KRABD3: variants seen among roughly 807,000 people sequenced by gnomAD.
KRABD3 encodes KRAB domain-containing protein 3.
At chr7:149,719,173 C>G in the KRABD3 span, among the ~76,000 whole-genome samples, 1 of 152,232 alleles carries the variant, frequency 6.6e-6, no homozygotes, top group African/African-American at 2.4e-5. This position sits in a 1 kb window ranked among gnomAD's most constrained non-coding sequence, Gnocchi z 5.6. Flanking sequence ...TGACTGTAGT[C>G]TCTGCCTGTC....
At chr7:149,730,254 C>T in the KRABD3 span, 4 of 1,557,758 alleles carry the variant, frequency 2.6e-6, no homozygotes, top group East Asian at 2.4e-5. Flanking sequence ...CAGCCCCAGC[C>T]CCAGCCCCGG....
chr7:149,720,263 C>T, the KRABD3 span: 1 of 992,016 alleles, frequency 1.0e-6, no homozygotes, highest in Non-Finnish European at 1.5e-6. Context: ...AGCTTTCACC[C>T]CTCATCCCTC....
chr7:149,726,547 C>T, the KRABD3 span, among the ~76,000 whole-genome samples: 5 of 151,794 alleles, frequency 3.3e-5, no homozygotes, highest in Admixed American at 3.3e-4. Context: ...AAGCGATTCT[C>T]CTGCCACAGT....
At chr7:149,725,428 C>G in the KRABD3 span, 1 of 1,612,240 alleles carries the variant, frequency 6.2e-7, no homozygotes, top group African/African-American at 1.3e-5. Context: ...CCAGAACCCC[C>G]AGCCAGGAGA....
chr7:149,728,732 G>A, the KRABD3 span: 1 of 1,558,830 alleles, frequency 6.4e-7, no homozygotes, highest in African/African-American at 1.4e-5. Flanking sequence ...GGATGCCCTA[G>A]GCGCTGCACC....
the KRABD3 span, chr7:149,733,948 G>A: frequency 6.3e-7 from 1 of 1,599,502 alleles, no homozygotes; most frequent in Non-Finnish European, 8.5e-7. Flanking sequence ...TCCCAGAGCG[G>A]CCCAAGGAGC....
the KRABD3 span, chr7:149,719,534 CTG>C: frequency 6.4e-7 from 1 of 1,560,000 alleles, no homozygotes; most frequent in African/African-American, 1.4e-5. This position sits in a 1 kb window ranked among gnomAD's most constrained non-coding sequence, Gnocchi z 5.6. Context: ...CCCCCGGAGA[CTG>C]TGCCTGCAGG....
the KRABD3 span, among the ~76,000 whole-genome samples, chr7:149,727,995 C>T: frequency 6.6e-6 from 1 of 152,276 alleles, no homozygotes; most frequent in Admixed American, 6.5e-5. Context: ...GAAGGGCTCT[C>T]CTCACTCTAG....
At chr7:149,719,092 C>G in the KRABD3 span, among the ~76,000 whole-genome samples, 1 of 152,226 alleles carries the variant, frequency 6.6e-6, no homozygotes, top group Non-Finnish European at 1.5e-5. This position sits in a 1 kb window ranked among gnomAD's most constrained non-coding sequence, Gnocchi z 5.6. Context: ...CCTCTGAAGG[C>G]TCTGGGCCAG....
the KRABD3 span, among the ~76,000 whole-genome samples, chr7:149,715,784 T>C: frequency 3.3e-5 from 5 of 152,012 alleles, no homozygotes; most frequent in Non-Finnish European, 4.4e-5. Context: ...CCCCAAGCAT[T>C]TGGGGAGAAG....
the KRABD3 span, chr7:149,715,495 AG>A: frequency 2.9e-6 from 1 of 339,112 alleles, no homozygotes; most frequent in Non-Finnish European, 4.2e-6. Flanking sequence ...TGAGAACTGG[AG>A]GGAGAGCCCC....
At chr7:149,725,962 C>G in the KRABD3 span, 2 of 1,605,476 alleles carry the variant, frequency 1.2e-6, no homozygotes, top group South Asian at 1.1e-5. Flanking sequence ...CCCCTGGCCC[C>G]CCGAGGAACC....
the KRABD3 span, chr7:149,733,186 G>C: frequency 6.4e-7 from 1 of 1,571,302 alleles, no homozygotes; most frequent in Admixed American, 1.8e-5. Flanking sequence ...AACTCTGACC[G>C]GTCCTTGCTC....
chr7:149,718,881 G>A, the KRABD3 span, among the ~76,000 whole-genome samples: 1 of 152,226 alleles, frequency 6.6e-6, no homozygotes, highest in Non-Finnish European at 1.5e-5. Flanking sequence ...CACAGGGTAG[G>A]AGGAGATGAG....
chr7:149,718,553 A>G, the KRABD3 span, among the ~76,000 whole-genome samples: 1 of 114,008 alleles, frequency 8.8e-6, no homozygotes, highest in Non-Finnish European at 1.7e-5. Context: ...GAGTCTCGCC[A>G]TATTGCCCAG....
the KRABD3 span, chr7:149,723,079 G>T: frequency 7.3e-6 from 6 of 823,824 alleles, no homozygotes; most frequent in Non-Finnish European, 8.9e-6. Context: ...TGTGTTGCCA[G>T]TGTCACCTTT....
chr7:149,723,629 C>G, the KRABD3 span: 1 of 1,131,104 alleles, frequency 8.8e-7, no homozygotes, highest in Non-Finnish European at 1.2e-6. Flanking sequence ...AGAGCCTCAT[C>G]TTCAGAGTTG....
At chr7:149,727,652 G>C in the KRABD3 span, among the ~76,000 whole-genome samples, 1 of 152,194 alleles carries the variant, frequency 6.6e-6, no homozygotes, top group African/African-American at 2.4e-5. Context: ...ACAGCAGCGT[G>C]GTATTCGGTA....
At chr7:149,729,130 C>T in the KRABD3 span, 2 of 1,339,464 alleles carry the variant, frequency 1.5e-6, no homozygotes, top group African/African-American at 1.5e-5. Context: ...GTCCCTTCTT[C>T]TGTGGCAGCA....
Sources: gnomAD v4.1 joint callset for allele counts (sites outside exome capture counted in the v4.1 genomes callset) on GRCh38, gnomAD v4.1.1 for gene constraint, Gnocchi (gnomAD v3.1) non-coding constraint, MANE v1.5 for transcripts, NCBI Gene and HGNC (gene_info 2026-07-23, HGNC 2026-07-21) for gene names.